NR2F1-AS1: variants seen among roughly 807,000 people sequenced by gnomAD.
The protein encoded by NR2F1-AS1 is NR2F1 antisense RNA 1.
intron 2 of NR2F1-AS1, among the ~76,000 whole-genome samples, chr5:93,556,540 T>C (rs1458219101): frequency 6.6e-6 from 1 of 152,160 alleles, no homozygotes; most frequent in Non-Finnish European, 1.5e-5. Context: ...GTGACCTTAT[T>C]TGGAGACAGG....
At chr5:93,495,058 A>G (rs544036882) in intron 4 of NR2F1-AS1, among the ~76,000 whole-genome samples, 9 of 152,212 alleles carry the variant, frequency 5.9e-5, no homozygotes, top group Non-Finnish European at 1.3e-4. Flanking sequence ...CATGACAAAA[A>G]AAATCCAAGA....
chr5:93,478,695 C>T (rs1750539226), intron 4 of NR2F1-AS1, among the ~76,000 whole-genome samples: 1 of 152,132 alleles, frequency 6.6e-6, no homozygotes, highest in Non-Finnish European at 1.5e-5. Flanking sequence ...AGCCACCGCG[C>T]CCAGCCAAAG....
At chr5:93,525,937 A>G (rs1751603522) in intron 4 of NR2F1-AS1, among the ~76,000 whole-genome samples, 1 of 152,180 alleles carries the variant, frequency 6.6e-6, no homozygotes, top group East Asian at 1.9e-4. Flanking sequence ...TAACATCACA[A>G]TTAAAAGAAC....
At chr5:93,572,347 G>A (rs936632290) in intron 1 of NR2F1-AS1, among the ~76,000 whole-genome samples, 1 of 152,200 alleles carries the variant, frequency 6.6e-6, no homozygotes, top group African/African-American at 2.4e-5. Flanking sequence ...AAGGAGGGCG[G>A]GCAGACAGAG....
chr5:93,444,188 T>C (rs1035208824), intron 4 of NR2F1-AS1, among the ~76,000 whole-genome samples: 1 of 152,152 alleles, frequency 6.6e-6, no homozygotes, highest in African/African-American at 2.4e-5. Context: ...GGGATCAAAT[T>C]CACACATAAC....
At chr5:93,550,745 T>C (rs1580325207) in intron 4 of NR2F1-AS1, among the ~76,000 whole-genome samples, 1 of 152,330 alleles carries the variant, frequency 6.6e-6, no homozygotes, top group African/African-American at 2.4e-5. Context: ...AAAGGCAATG[T>C]AGTTTTCCTG....
At chr5:93,450,914 C>CAAAAAAAAAAAAAAAAAA (rs60895927) in intron 4 of NR2F1-AS1, among the ~76,000 whole-genome samples, 3 of 54,048 alleles carry the variant, frequency 5.6e-5, no homozygotes, top group Non-Finnish European at 8.0e-5. Flanking sequence ...GAATCTGCTT[C>CAAAAAAAAAAAAAAAAAA]AAAAAAAAAA....
At chr5:93,564,044 A>G (rs1188732260) in intron 1 of NR2F1-AS1, among the ~76,000 whole-genome samples, 4 of 141,448 alleles carry the variant, frequency 2.8e-5, no homozygotes, top group Non-Finnish European at 6.1e-5. Flanking sequence ...GGAGCTTACA[A>G]TGAGTGGAGA....
intron 4 of NR2F1-AS1, among the ~76,000 whole-genome samples, chr5:93,500,235 T>G (rs1460762052): frequency 1.3e-5 from 2 of 152,226 alleles, no homozygotes; most frequent in African/African-American, 4.8e-5. Context: ...AATGCCTGAC[T>G]TTAAAGCTTC....
intron 1 of NR2F1-AS1, among the ~76,000 whole-genome samples, chr5:93,577,854 G>A (rs1025156712): frequency 3.3e-5 from 5 of 152,128 alleles, no homozygotes; most frequent in African/African-American, 1.2e-4. Context: ...CTGTGGTCTT[G>A]CTAAACAGAA....
intron 4 of NR2F1-AS1, among the ~76,000 whole-genome samples, chr5:93,436,868 T>C (rs375639785): frequency 5.4e-4 from 82 of 152,128 alleles, no homozygotes; most frequent in African/African-American, 1.9e-3. Flanking sequence ...AGTGAAATCC[T>C]GGAGAGGTTT....
At chr5:93,511,258 G>A (rs1339925520) in intron 4 of NR2F1-AS1, among the ~76,000 whole-genome samples, 1 of 152,136 alleles carries the variant, frequency 6.6e-6, no homozygotes, top group African/African-American at 2.4e-5. Context: ...AACAAAAGGT[G>A]AAAGAAGGAA....
chr5:93,470,197 G>A (rs1243406559), intron 4 of NR2F1-AS1, among the ~76,000 whole-genome samples: 3 of 151,786 alleles, frequency 2.0e-5, no homozygotes, highest in African/African-American at 7.2e-5. Flanking sequence ...CAATAAACAT[G>A]AAAGGGTACC....
At chr5:93,526,830 A>G (rs981921104) in intron 4 of NR2F1-AS1, among the ~76,000 whole-genome samples, 6 of 152,222 alleles carry the variant, frequency 3.9e-5, no homozygotes. Flanking sequence ...TAAACTAGGT[A>G]TTGATGGAAC....
intron 4 of NR2F1-AS1, among the ~76,000 whole-genome samples, chr5:93,527,650 T>C (rs1751646503): frequency 6.6e-6 from 1 of 152,068 alleles, no homozygotes; most frequent in African/African-American, 2.4e-5. Context: ...AAAACAGAGA[T>C]ATAGACCAAT....
chr5:93,483,735 C>A (rs1750652270), intron 4 of NR2F1-AS1, among the ~76,000 whole-genome samples: 1 of 152,058 alleles, frequency 6.6e-6, no homozygotes, highest in Non-Finnish European at 1.5e-5. Flanking sequence ...ACTAGAATAA[C>A]CAGTTTAGAG....
At position 93,466,825 on chromosome 5, in the gene NR2F1-AS1, C is replaced by G. The variant is rs552548066; in HGVS notation, n.639-71283G>C. Reference sequence around the variant, plus strand: ...TCATAAAGCCATTCTCTTTCACCTCCTACATCAGGAATACTGAATGCTTTG... The same window carrying G: ...TCATAAAGCCATTCTCTTTCACCTCGTACATCAGGAATACTGAATGCTTTG... On this transcript the variant is annotated intron_variant and non_coding_transcript_variant, in intron 4 of 5. Transcript: ENST00000660523. Among the ~76,000 whole-genome samples, 302 of 147,812 alleles carry G rather than the reference C, an allele frequency of 2.0e-3. 2 individuals carry two copies. Among genetic ancestry groups the G allele is most frequent in the Non-Finnish European group, 2.2e-3 (149 of 67,550 alleles).
At chr5:93,548,796 G>A (rs966893560) in intron 4 of NR2F1-AS1, among the ~76,000 whole-genome samples, 9 of 152,004 alleles carry the variant, frequency 5.9e-5, no homozygotes, top group South Asian at 4.2e-4. Context: ...ACTTGAACCC[G>A]GGAGGCAAAG....
intron 4 of NR2F1-AS1, among the ~76,000 whole-genome samples, chr5:93,412,057 G>A (rs948306679): frequency 6.6e-6 from 1 of 152,204 alleles, no homozygotes; most frequent in Non-Finnish European, 1.5e-5. Flanking sequence ...AGCTAGGTAG[G>A]AAAGCCCCCA....
Sources: allele counts gnomAD v4.1 joint callset (sites outside exome capture counted in the v4.1 genomes callset), GRCh38; gene constraint gnomAD v4.1.1; transcripts MANE v1.5; gene names NCBI Gene and HGNC (gene_info 2026-07-23, HGNC 2026-07-21).